Variants in STAC observed in about 807,000 individuals in gnomAD.
The protein encoded by STAC is SH3 and cysteine-rich domain-containing protein.
A neutral mutation model predicts 48.8 loss-of-function variants in STAC; 43 were observed. The ratio of observed to expected loss-of-function variants is 0.88; its 90% CI spans 0.69 to 1.14. The LOEUF (loss-of-function observed/expected upper bound fraction) is 1.14, where lower values mean the gene tolerates loss of function less well. Among genes scored for constraint, STAC ranks in the 50% most tolerant of loss-of-function variants. STAC has a pLI of 0.00. For synonymous variants in STAC, 193 were observed against 179.5 expected (o/e 1.07, Z -0.60); for missense variants, 497 against 504.0 (o/e 0.99, Z 0.13).
intron 8 of STAC, among the ~76,000 whole-genome samples, chr3:36,514,920 C>T (rs894133295): frequency 6.6e-6 from 1 of 151,882 alleles, no homozygotes; most frequent in Admixed American, 6.6e-5. Context: ...TGCCTGTAAT[C>T]CCAGCTACTC....
intron 8 of STAC, among the ~76,000 whole-genome samples, chr3:36,525,394 T>C (rs1252596914): frequency 1.3e-5 from 2 of 152,166 alleles, no homozygotes; most frequent in Non-Finnish European, 2.9e-5. Flanking sequence ...CTTATTCTAA[T>C]GTGTAATTCA....
intron 2 of STAC, among the ~76,000 whole-genome samples, chr3:36,464,628 C>A (rs1307318876): frequency 6.6e-6 from 1 of 152,084 alleles, no homozygotes; most frequent in East Asian, 1.9e-4. Flanking sequence ...TCCAATGTAT[C>A]TTTCTTATGC....
At chr3:36,448,981 T>C (rs1696604471) in intron 2 of STAC, among the ~76,000 whole-genome samples, 1 of 150,192 alleles carries the variant, frequency 6.7e-6, no homozygotes, top group South Asian at 2.1e-4. Context: ...TAGCCAGGCA[T>C]AGTAGCACAC....
rs543881844 is a variant in STAC at position 36,461,544 on chromosome 3, G to A, written c.388+17904G>A. Among the ~76,000 whole-genome samples the A allele has an allele frequency of 2.6e-5, 4 of 152,226 alleles. No individual in the cohort carries two copies. The South Asian group carries it at 8.3e-4, about 32-fold the overall frequency. On this transcript the variant is annotated intron_variant, in intron 2 of 10. Coordinates refer to ENST00000273183, the MANE Select transcript of STAC (RefSeq NM_003149.3). Reference sequence around the variant, plus strand: ...TAGGTAAGAAGGTGATTGATGATAGGTAGATAGATAATTTTCTAAGGTGAT... The same window carrying A: ...TAGGTAAGAAGGTGATTGATGATAGATAGATAGATAATTTTCTAAGGTGAT...
intron 6 of STAC, among the ~76,000 whole-genome samples, chr3:36,503,578 C>T (rs1424677097): frequency 6.6e-6 from 1 of 152,086 alleles, no homozygotes; most frequent in East Asian, 1.9e-4. Context: ...GGATTACAGG[C>T]ACATGCCACC....
At chr3:36,427,321 G>A (rs1700589471) in intron 1 of STAC, among the ~76,000 whole-genome samples, 1 of 152,160 alleles carries the variant, frequency 6.6e-6, no homozygotes, top group Non-Finnish European at 1.5e-5. Context: ...TCTTGTATGT[G>A]AAATCTTTGC....
chr3:36,482,931 A>T, intron 2 of STAC, 61 bp from the exon 3 acceptor site: 1 of 1,180,136 alleles, frequency 8.5e-7, no homozygotes, highest in Non-Finnish European at 1.2e-6. Context: ...CTGTGATTTT[A>T]GACTAATCAG....
At chr3:36,391,663 G>A (rs1018195719) in intron 1 of STAC, among the ~76,000 whole-genome samples, 16 of 152,158 alleles carry the variant, frequency 1.1e-4, no homozygotes, top group South Asian at 2.1e-4. Context: ...CAACCAATCC[G>A]GAAAACCAGA....
chr3:36,540,208 C>T (rs1699291147), intron 10 of STAC, among the ~76,000 whole-genome samples: 1 of 152,174 alleles, frequency 6.6e-6, no homozygotes, highest in African/African-American at 2.4e-5. Flanking sequence ...AACAGACTCT[C>T]TCTTAGAGCC....
intron 6 of STAC, among the ~76,000 whole-genome samples, chr3:36,497,424 G>A (rs1413660296): frequency 6.6e-6 from 1 of 152,122 alleles, no homozygotes; most frequent in Non-Finnish European, 1.5e-5. Context: ...ATTCCTTAGA[G>A]TCTAGGAATG....
At chr3:36,529,156 A>C (rs1206431110) in intron 10 of STAC, 171 bp downstream of exon 10, 1 of 687,352 alleles carries the variant, frequency 1.5e-6, no homozygotes, top group Admixed American at 3.6e-5. Context: ...AAACATGCAA[A>C]CTAAAATTTT....
At chr3:36,506,830 A>T (rs1195113546) in intron 8 of STAC, among the ~76,000 whole-genome samples, 2 of 152,200 alleles carry the variant, frequency 1.3e-5, no homozygotes, top group Admixed American at 1.3e-4. Context: ...TTGGGCTAAG[A>T]TGATGGGGTT....
intron 2 of STAC, among the ~76,000 whole-genome samples, chr3:36,477,496 A>T (rs1316616279): frequency 6.6e-6 from 1 of 152,098 alleles, no homozygotes; most frequent in Non-Finnish European, 1.5e-5. Context: ...AAAAAAGTTG[A>T]TGCATGCTAT....
chr3:36,522,407 A>G (rs1698828545), intron 8 of STAC, among the ~76,000 whole-genome samples: 1 of 152,228 alleles, frequency 6.6e-6, no homozygotes. Context: ...AATATGCATT[A>G]CAAATATTTT....
intron 1 of STAC, among the ~76,000 whole-genome samples, chr3:36,405,881 G>C (rs746908960): frequency 6.6e-6 from 1 of 152,058 alleles, no homozygotes; most frequent in African/African-American, 2.4e-5. Context: ...CACCATGCCC[G>C]ACTGCTTTTT....
chr3:36,485,179 T>C (rs1027023202), intron 4 of STAC, 121 bp downstream of exon 4: 3 of 735,078 alleles, frequency 4.1e-6, no homozygotes, highest in Admixed American at 3.1e-5. Context: ...TTGGTGGCTA[T>C]TTGGGGTATG....
chr3:36,504,216 C>G (rs1698344366), intron 6 of STAC, among the ~76,000 whole-genome samples, 177 bp from the exon 7 acceptor site: 1 of 152,146 alleles, frequency 6.6e-6, no homozygotes, highest in Non-Finnish European at 1.5e-5. Context: ...CATGGGGAGG[C>G]AGGAGAAGAG....
At chr3:36,497,644 C>G (rs1285271327) in intron 6 of STAC, among the ~76,000 whole-genome samples, 2 of 151,600 alleles carry the variant, frequency 1.3e-5, no homozygotes, top group African/African-American at 4.9e-5. Context: ...AACAGGATTC[C>G]CTGCAGAGGA....
chr3:36,425,213 T>G (rs562492971), intron 1 of STAC, among the ~76,000 whole-genome samples: 5 of 152,340 alleles, frequency 3.3e-5, no homozygotes, highest in Admixed American at 1.3e-4. Flanking sequence ...TGACAAAAGT[T>G]AATCACCAGT....
Sources: gnomAD v4.1 joint callset for allele counts (sites outside exome capture counted in the v4.1 genomes callset) on GRCh38, gnomAD v4.1.1 for gene constraint, MANE v1.5 for transcripts, NCBI Gene and HGNC (gene_info 2026-07-23, HGNC 2026-07-21) for gene names.